Variants in SPTSSA observed in about 807,000 individuals in gnomAD.
SPTSSA encodes small subunit of serine palmitoyltransferase A.
A neutral mutation model predicts 9.1 loss-of-function variants in SPTSSA; 8 were observed. That is an observed-to-expected ratio of 0.88 (90% CI 0.51 to 1.58). The LOEUF is 1.58. SPTSSA is among the 40% of genes most tolerant of loss of function. SPTSSA has a pLI of 0.00. For synonymous variants in SPTSSA, 42 were observed against 37.7 expected, an observed-to-expected ratio of 1.11 and a Z score of -0.41; for missense variants, 100 against 93.8, an observed-to-expected ratio of 1.07 and a Z score of -0.27.
chr14:34,441,719 TA>T (rs1446002110), intron 1 of SPTSSA, among the ~76,000 whole-genome samples: 1 of 152,076 alleles, frequency 6.6e-6, no homozygotes, highest in Non-Finnish European at 1.5e-5. Context: ...GGGTAGCACC[TA>T]AACATGGAAG....
At chr14:34,446,113 T>A (rs912738045) in intron 1 of SPTSSA, among the ~76,000 whole-genome samples, 2 of 152,190 alleles carry the variant, frequency 1.3e-5, no homozygotes, top group Non-Finnish European at 2.9e-5. Flanking sequence ...TAAAAAAAGC[T>A]TTTTATCGTT....
At chr14:34,445,149 G>A (rs1883399888) in intron 1 of SPTSSA, among the ~76,000 whole-genome samples, 1 of 151,924 alleles carries the variant, frequency 6.6e-6, no homozygotes, top group Non-Finnish European at 1.5e-5. Flanking sequence ...TCTAAAAATA[G>A]TAGAAAAAAC....
intron 1 of SPTSSA, among the ~76,000 whole-genome samples, chr14:34,440,413 C>T (rs1883298360): frequency 6.6e-6 from 1 of 152,168 alleles, no homozygotes; most frequent in Non-Finnish European, 1.5e-5. Flanking sequence ...TAGTAATAAT[C>T]TTAAGGTCAT....
chr14:34,436,953 GA>G (rs1883251253), intron 1 of SPTSSA, among the ~76,000 whole-genome samples: 1 of 150,622 alleles, frequency 6.6e-6, no homozygotes, highest in Admixed American at 6.6e-5. Flanking sequence ...AAAAAAGAGA[GA>G]AAGAAAAATA....
chr14:34,450,199 A>G (rs1046342635), intron 1 of SPTSSA, among the ~76,000 whole-genome samples: 1 of 152,208 alleles, frequency 6.6e-6, no homozygotes, highest in Admixed American at 6.5e-5. Context: ...TTGAGCATTT[A>G]ACATCATGAC....
chr14:34,437,905 A>T (rs1380021141), intron 1 of SPTSSA, among the ~76,000 whole-genome samples: 4 of 152,124 alleles, frequency 2.6e-5, no homozygotes, highest in Non-Finnish European at 4.4e-5. Flanking sequence ...GGCTCAGGCA[A>T]TCCTCCCACC....
chr14:34,441,415 T>C (rs775686117), intron 1 of SPTSSA, among the ~76,000 whole-genome samples: 43 of 152,216 alleles, frequency 2.8e-4, no homozygotes, highest in Non-Finnish European at 5.1e-4. Flanking sequence ...AACAGGGCCT[T>C]TGAGCCCCTA....
chr14:34,454,190 GA>G (rs35173064), intron 1 of SPTSSA, among the ~76,000 whole-genome samples: 4,522 of 151,082 alleles, frequency 0.03, 220 homozygotes, highest in African/African-American at 0.11. Flanking sequence ...GTTTTAGGGG[GA>G]AAAAAAAATC....
Position 34,443,253 on chromosome 14 carries a change from T to C in SPTSSA, c.113-7949A>G, listed in dbSNP as rs1883359185. 4.6e-5 allele frequency among the ~76,000 whole-genome samples: 3 copies of C among 65,394 alleles called. 1 individual carries two copies. In the Admixed American group the frequency reaches 4.6e-4, roughly 10 times the overall value. 42.9% of individuals were successfully genotyped at this position (65,394 alleles called of 152,430 possible). A position where few individuals can be genotyped will look rare whatever the true frequency, so the allele number is the denominator to read the frequency against. The stretch of plus-strand genomic sequence containing the variant: ...TGTGTGTGTGTTTTGAGATGGAGTT[T>C]TCCTCTCATTACCCAGCTGGAGTGC... On this transcript the variant is annotated intron_variant, in intron 1 of 1. Coordinates refer to ENST00000298130, the MANE Select transcript of SPTSSA (RefSeq NM_138288.4).
intron 1 of SPTSSA, among the ~76,000 whole-genome samples, chr14:34,457,529 A>C (rs1334442631): frequency 6.6e-6 from 1 of 152,202 alleles, no homozygotes; most frequent in Non-Finnish European, 1.5e-5. Flanking sequence ...CACTTATCAG[A>C]TTCTTCTTTA....
At chr14:34,455,022 G>A (rs1282054548) in intron 1 of SPTSSA, among the ~76,000 whole-genome samples, 1 of 151,812 alleles carries the variant, frequency 6.6e-6, no homozygotes, top group Non-Finnish European at 1.5e-5. Flanking sequence ...AGGAGGCGGA[G>A]GCTACAGTGA....
intron 1 of SPTSSA, among the ~76,000 whole-genome samples, chr14:34,444,908 A>G (rs1883394183): frequency 6.6e-6 from 1 of 151,812 alleles, no homozygotes; most frequent in African/African-American, 2.4e-5. Context: ...CCTGGCCAAC[A>G]TGGTGAAACC....
At chr14:34,456,192 G>C (rs1212206656) in intron 1 of SPTSSA, among the ~76,000 whole-genome samples, 1 of 151,536 alleles carries the variant, frequency 6.6e-6, no homozygotes. Flanking sequence ...CGTGGTGGTG[G>C]GTGCCTGTTA....
intron 1 of SPTSSA, among the ~76,000 whole-genome samples, chr14:34,452,831 C>T (rs749781392): frequency 2.6e-5 from 4 of 152,132 alleles, no homozygotes; most frequent in Non-Finnish European, 4.4e-5. Context: ...AACTCACATA[C>T]GACTAGTACA....
intron 1 of SPTSSA, among the ~76,000 whole-genome samples, chr14:34,438,546 A>G (rs1405479111): frequency 2.0e-5 from 3 of 152,186 alleles, no homozygotes; most frequent in Non-Finnish European, 2.9e-5. Context: ...TCCATCTATG[A>G]CATTCAACAA....
Position 34,435,306 on chromosome 14 carries a change from T to C in SPTSSA, c.113-2A>G. On this transcript the variant is annotated splice_acceptor_variant, in intron 1 of 1. Transcript: ENST00000298130. LOFTEE classifies it high-confidence loss of function. The stretch of plus-strand genomic sequence containing the variant: ...CCACAATGGAAACCAGCATGGAATC[T>C]GAGTTGTAGTTAAGGAAACTTATTA... 1 of 1,602,248 alleles carries C rather than the reference T, an allele frequency of 6.2e-7. No individual in the cohort carries two copies. Among genetic ancestry groups the C allele is most frequent in the East Asian group, 2.2e-5 (1 of 44,786 alleles).
At chr14:34,448,220 C>T (rs1594622061) in intron 1 of SPTSSA, among the ~76,000 whole-genome samples, 1 of 152,016 alleles carries the variant, frequency 6.6e-6, no homozygotes, top group Middle Eastern at 3.4e-3. Context: ...GATGCCACTG[C>T]ACTCCAGCCT....
At chr14:34,438,627 C>T (rs938317471) in intron 1 of SPTSSA, among the ~76,000 whole-genome samples, 1 of 152,080 alleles carries the variant, frequency 6.6e-6, no homozygotes, top group Non-Finnish European at 1.5e-5. Flanking sequence ...CCAATTTTGC[C>T]GATTAACACA....
intron 1 of SPTSSA, among the ~76,000 whole-genome samples, chr14:34,453,608 G>A (rs1210787249): frequency 2.0e-5 from 3 of 152,208 alleles, no homozygotes; most frequent in Non-Finnish European, 4.4e-5. Context: ...TATTGTGTTT[G>A]TTAGTGCTTG....
Sources: gnomAD v4.1 joint callset for allele counts (sites outside exome capture counted in the v4.1 genomes callset) on GRCh38, gnomAD v4.1.1 for gene constraint, MANE v1.5 for transcripts, NCBI Gene and HGNC (gene_info 2026-07-23, HGNC 2026-07-21) for gene names.